USP47: variants seen among roughly 807,000 people sequenced by gnomAD.
USP47 encodes ubiquitin specific peptidase 47.
A neutral mutation model predicts 165.1 loss-of-function variants in USP47; 35 were observed. The observed-to-expected ratio is 0.21, with a 90% CI of 0.16 to 0.28. USP47 has a LOEUF of 0.28. Among genes scored for constraint, USP47 ranks in the 10% least tolerant of loss-of-function variants. USP47 has a pLI of 1.00. For missense variants in USP47, 1,277 were observed against 1,607.4 expected, an observed-to-expected ratio of 0.79 and a Z score of 3.52; for synonymous variants, 531 against 544.5, an observed-to-expected ratio of 0.98 and a Z score of 0.35.
intron 24 of USP47, chr11:11,950,996 A>C (rs1405836502): frequency 6.6e-6 from 1 of 152,524 alleles, no homozygotes; most frequent in Non-Finnish European, 1.5e-5. Context: ...TTGTGTCCTA[A>C]GCCAGGTGGC....
At chr11:11,894,503 C>A (rs1165895408) in intron 4 of USP47, among the ~76,000 whole-genome samples, 1 of 152,098 alleles carries the variant, frequency 6.6e-6, no homozygotes, top group Non-Finnish European at 1.5e-5. Flanking sequence ...TCCCAAAATG[C>A]TGATATAGCT....
chr11:11,919,159 A>G (rs753234015), intron 8 of USP47, among the ~76,000 whole-genome samples: 6 of 151,962 alleles, frequency 3.9e-5, no homozygotes, highest in Non-Finnish European at 7.4e-5. Flanking sequence ...AGTGAGCTCT[A>G]TCAAACAATA....
At chr11:11,882,061 A>C (rs1850868562) in intron 2 of USP47, among the ~76,000 whole-genome samples, 1 of 152,036 alleles carries the variant, frequency 6.6e-6, no homozygotes. Flanking sequence ...GTCCAAATTC[A>C]CCCTACATAA....
chr11:11,936,300 T>C lies in USP47; in HGVS notation c.1870-3T>C. On this transcript the variant is annotated splice_region_variant and splice_polypyrimidine_tract_variant and intron_variant, in intron 16 of 27. Transcript: ENST00000527733. ...TTCTTTCTGGGGGATTACTTTCTTT[T>C]AGATGATGGATTTAGAAGAGGTAAT... The C allele has an allele frequency of 6.7e-7, 1 of 1,500,484 alleles. No homozygotes were observed. The highest frequency in any genetic ancestry group is 1.9e-5 in the Admixed American group (1 of 52,750). 92.9% of individuals were successfully genotyped at this position (1,500,484 alleles called of 1,614,324 possible). A position where few individuals can be genotyped will look rare whatever the true frequency, so the allele number is the denominator to read the frequency against.
intron 2 of USP47, among the ~76,000 whole-genome samples, chr11:11,881,046 T>C (rs1413089693): frequency 6.6e-6 from 1 of 152,200 alleles, no homozygotes; most frequent in Non-Finnish European, 1.5e-5. Context: ...CCCTTATCCA[T>C]TATATTTAGT....
intron 2 of USP47, among the ~76,000 whole-genome samples, chr11:11,883,303 G>C (rs1381792636): frequency 6.6e-6 from 1 of 152,162 alleles, no homozygotes; most frequent in Non-Finnish European, 1.5e-5. Context: ...CACGTCTTTT[G>C]CACTTACTGT....
At chr11:11,917,399 A>G (rs187802908) in intron 8 of USP47, among the ~76,000 whole-genome samples, 1 of 152,348 alleles carries the variant, frequency 6.6e-6, no homozygotes, top group Admixed American at 6.5e-5. Context: ...GATCACGGGC[A>G]GCTTCGGCAA....
At chr11:11,955,297 A>G (rs1856491528) in intron 27 of USP47, 133 bp downstream of exon 27, 1 of 1,102,618 alleles carries the variant, frequency 9.1e-7, no homozygotes. Context: ...AGTGACAGCC[A>G]AACATGATTA....
At chr11:11,948,253 G>A in intron 21 of USP47, 133 bp downstream of exon 21, 1 of 1,128,908 alleles carries the variant, frequency 8.9e-7, no homozygotes, top group Non-Finnish European at 1.2e-6. Flanking sequence ...TGGTAATTTG[G>A]GGGGTTTTTT....
At chr11:11,871,717 C>T (rs1208135300) in intron 1 of USP47, among the ~76,000 whole-genome samples, 1 of 152,040 alleles carries the variant, frequency 6.6e-6, no homozygotes, top group African/African-American at 2.4e-5. Flanking sequence ...CAGCTTTCTT[C>T]TGCCCTGTAT....
chr11:11,903,437 G>T (rs1852353385), intron 7 of USP47, 95 bp downstream of exon 7: 1 of 1,176,082 alleles, frequency 8.5e-7, no homozygotes, highest in South Asian at 1.6e-5. Context: ...TTAAAACTTG[G>T]GCATTAGTCT....
chr11:11,932,510 A>G (rs556936773), intron 14 of USP47, among the ~76,000 whole-genome samples: 14 of 150,414 alleles, frequency 9.3e-5, no homozygotes, highest in African/African-American at 3.4e-4. Flanking sequence ...GATAATAGTA[A>G]ACAAATGGGT....
chr11:11,842,147 C>T lies in USP47; in HGVS notation c.-39C>T, dbSNP rs374241185. On this transcript the variant is annotated 5_prime_UTR_variant, in exon 1 of 28. Transcript: ENST00000527733. Reference sequence around the variant, plus strand: ...TAGCGAGCCGCCGCCACCCTCCACCCTCCCCCGGCAGGGCGGAGAGGAGCG... The same window carrying T: ...TAGCGAGCCGCCGCCACCCTCCACCTTCCCCCGGCAGGGCGGAGAGGAGCG... 9.0e-6 allele frequency: 14 copies of T among 1,550,448 alleles called. No individual in the cohort carries two copies. The highest frequency in any genetic ancestry group is 1.4e-5 in the African/African-American group (1 of 73,026).
chr11:11,868,180 A>G (rs911098959), intron 1 of USP47, among the ~76,000 whole-genome samples: 1 of 152,236 alleles, frequency 6.6e-6, no homozygotes. Flanking sequence ...CTTATGGACT[A>G]TAATACACTA....
intron 1 of USP47, among the ~76,000 whole-genome samples, chr11:11,875,255 T>G (rs1850335381): frequency 6.6e-6 from 1 of 152,202 alleles, no homozygotes; most frequent in South Asian, 2.1e-4. Flanking sequence ...AATTTTGATA[T>G]TAGCTTATAT....
At chr11:11,943,308 C>G in intron 20 of USP47, 196 bp downstream of exon 20, 1 of 444,604 alleles carries the variant, frequency 2.2e-6, no homozygotes, top group Non-Finnish European at 3.8e-6. Context: ...TATATCAGAA[C>G]TCTGAGATAA....
At chr11:11,955,424 A>G (rs889718112) in intron 27 of USP47, among the ~76,000 whole-genome samples, 7 of 152,240 alleles carry the variant, frequency 4.6e-5, no homozygotes, top group South Asian at 2.1e-4. Flanking sequence ...TGTCATCAGT[A>G]TAAAAAATCA....
In USP47 at chr11:11,920,349, G is replaced by A. The variant is rs752445357; in HGVS notation, c.1073G>A (p.Arg358Gln). ...TTGTTGTTTGTTTTTTAGGGCCTTC[G>A]GTTTTTGCATTTTCCTTATCTGCTG... ...KKKCDARKGLRFLHFPYLLTL... is the reference protein window; with the variant it reads ...KKKCDARKGLQFLHFPYLLTL... The change falls in exon 10 of 28, where the codon CGG becomes CAG. Residue 358 changes from arginine to glutamine, a missense_variant. Transcript: ENST00000527733. 8.1e-6 allele frequency: 13 copies of A among 1,604,550 alleles called. No homozygotes were observed. The highest frequency in any genetic ancestry group is 2.2e-5 in the South Asian group (2 of 89,204).
At chr11:11,877,852 TGTGTGTGCGC>T (rs1340522213) in intron 1 of USP47, among the ~76,000 whole-genome samples, 34 of 74,142 alleles carry the variant, frequency 4.6e-4, no homozygotes, top group African/African-American at 1.1e-3. Flanking sequence ...TGTGTGTGTG[TGTGTGTGCGC>T]GCGCGCAGAT....
Sources: allele counts gnomAD v4.1 joint callset (sites outside exome capture counted in the v4.1 genomes callset), GRCh38; gene constraint gnomAD v4.1.1; transcripts MANE v1.5; gene names NCBI Gene and HGNC (gene_info 2026-07-23, HGNC 2026-07-21).